Variants in SCN9A observed in about 807,000 individuals in gnomAD.
SCN9A encodes the protein sodium channel protein type 9 subunit alpha.
SCN9A carries 131 observed loss-of-function variants against 187.0 expected under a neutral mutation model. That is an observed-to-expected ratio of 0.70 (90% CI 0.61 to 0.81). SCN9A has a LOEUF of 0.81. Ranked by LOEUF, SCN9A falls within the 30% of genes least tolerant of loss-of-function variation. The pLI is 0.00. For synonymous variants in SCN9A, 809 were observed against 808.6 expected (o/e 1.00, Z -0.01); for missense variants, 2,252 against 2,396.6 (o/e 0.94, Z 1.26).
chr2:166,372,299 C>A (rs1700584717), intron 1 of SCN9A, among the ~76,000 whole-genome samples: 1 of 152,166 alleles, frequency 6.6e-6, no homozygotes, highest in Admixed American at 6.5e-5. Context: ...GGGCAAACAT[C>A]AATTTAGACC....
At chr2:166,301,111 T>A (rs1698537601) in intron 7 of SCN9A, 1 of 139,092 alleles carries the variant, frequency 7.2e-6, no homozygotes, top group African/African-American at 2.9e-5. Flanking sequence ...TCTTTTTTTT[T>A]CTTCTTTTTT....
At chr2:166,201,215 T>TAC (rs906576415) in intron 26 of SCN9A, among the ~76,000 whole-genome samples, 41 of 140,976 alleles carry the variant, frequency 2.9e-4, no homozygotes, top group African/African-American at 1.0e-3. Flanking sequence ...ACTATATATA[T>TAC]ACACATACTA....
At chr2:166,235,824 T>A (rs1258699540) in intron 20 of SCN9A, among the ~76,000 whole-genome samples, 1 of 151,452 alleles carries the variant, frequency 6.6e-6, no homozygotes, top group Non-Finnish European at 1.5e-5. Flanking sequence ...CAAATTGGAG[T>A]TGTTTATCTC....
chr2:166,340,570 C>CTT (rs1172888395), intron 1 of SCN9A, among the ~76,000 whole-genome samples: 1 of 63,674 alleles, frequency 1.6e-5, no homozygotes, highest in African/African-American at 1.2e-4. Flanking sequence ...TTCTTTCTTT[C>CTT]TTTCTTTCTT....
rs1184856885 is a variant in SCN9A, at chr2:166,292,393, A to G, written c.1107+838T>C. On this transcript the variant is annotated intron_variant, in intron 9 of 26. Coordinates refer to ENST00000642356, the MANE Select transcript of SCN9A (RefSeq NM_001365536.1). ...TATTTGTGTTTCTTTAATTTTGAGT[A>G]AAGGTGACCACTTCTTGCATATTTA... is the stretch of plus-strand genomic sequence containing the variant. 2.6e-5 allele frequency among the ~76,000 whole-genome samples: 4 copies of G among 152,154 alleles called. 1 individual carries two copies. The South Asian group carries it at 8.3e-4, about 32-fold the overall frequency.
Position 166,272,435 on chromosome 2 carries a change from T to TTCC in SCN9A, c.3312_3314dup (p.Glu1105dup). The stretch of plus-strand genomic sequence containing the variant: ...ATTCACTATCCGAATCACTGCTAAG[T>TTCC]TCCTCAGCATTCATATTTTCCAAAT... On this transcript the variant is annotated inframe_insertion, in exon 17 of 27. Transcript: ENST00000642356. The TTCC allele has an allele frequency of 6.2e-7, 1 of 1,606,934 alleles. No individual in the cohort carries two copies. The highest frequency in any genetic ancestry group is 8.5e-7 in the Non-Finnish European group (1 of 1,175,506).
Position 166,281,813 on chromosome 2 carries a change from A to T in SCN9A, c.1975-5T>A. The T allele has an allele frequency of 6.3e-7, 1 of 1,597,848 alleles. No individual in the cohort carries two copies. The highest frequency in any genetic ancestry group is 1.1e-5 in the South Asian group (1 of 87,568). On this transcript the variant is annotated splice_region_variant and splice_polypyrimidine_tract_variant and intron_variant, in intron 12 of 26. Coordinates refer to ENST00000642356, the MANE Select transcript of SCN9A (RefSeq NM_001365536.1). Reference sequence around the variant, plus strand: ...GTGTATTTGATTGGTCGTGCCCTAAAAAAAAAATCAATTAATGTCTTAAGA... The same window carrying T: ...GTGTATTTGATTGGTCGTGCCCTAATAAAAAAATCAATTAATGTCTTAAGA...
At chr2:166,321,186 T>G (rs1025677094) in intron 1 of SCN9A, among the ~76,000 whole-genome samples, 6 of 152,152 alleles carry the variant, frequency 3.9e-5, no homozygotes. Flanking sequence ...TACACAACTT[T>G]AAAGTTAACT....
chr2:166,281,146 C>T (rs905046840), intron 13 of SCN9A, among the ~76,000 whole-genome samples: 1 of 152,068 alleles, frequency 6.6e-6, no homozygotes, highest in Admixed American at 6.5e-5. Flanking sequence ...ACTTTGCCCC[C>T]ACAATGGGAA....
chr2:166,250,447 C>T (rs1167529294), intron 18 of SCN9A, among the ~76,000 whole-genome samples: 1 of 152,094 alleles, frequency 6.6e-6, no homozygotes, highest in Non-Finnish European at 1.5e-5. Flanking sequence ...CTGATATCCC[C>T]ATTTTACAGA....
intron 1 of SCN9A, among the ~76,000 whole-genome samples, chr2:166,341,354 A>G (rs1559051608): frequency 6.6e-6 from 1 of 152,244 alleles, no homozygotes; most frequent in Admixed American, 6.5e-5. Context: ...ATTGAGATTT[A>G]CAAAGTTTGG....
At position 166,239,221 on chromosome 2, in the gene SCN9A, T is replaced by TAAAAA. The variant is rs1558974298; in HGVS notation, c.3628-955_3628-954insTTTTT. ...CTGGGCAACAGAGCAAGACTCTGTC[T>TAAAAA]CAAAAAAAAAAAAAAAAAAAAGGCT... On this transcript the variant is annotated intron_variant, in intron 19 of 26. Coordinates refer to ENST00000642356, the MANE Select transcript of SCN9A (RefSeq NM_001365536.1). Among the ~76,000 whole-genome samples the TAAAAA allele has an allele frequency of 1.5e-4, 19 of 130,082 alleles. 6 individuals carry two copies. Among genetic ancestry groups the TAAAAA allele is most frequent in the Non-Finnish European group, 1.6e-4 (10 of 61,864 alleles). The allele number at this position is 130,082 out of a possible 152,430, so 85.3% of individuals were successfully genotyped here. A position where few individuals can be genotyped will look rare whatever the true frequency, so the allele number is the denominator to read the frequency against.
chr2:166,371,403 T>G (rs978895738), intron 1 of SCN9A, among the ~76,000 whole-genome samples: 1 of 152,180 alleles, frequency 6.6e-6, no homozygotes, highest in African/African-American at 2.4e-5. Flanking sequence ...CCCAGAAGGG[T>G]TTCATTCCTC....
chr2:166,227,530 C>T (rs1694890013), intron 23 of SCN9A, 140 bp downstream of exon 23: 1 of 649,464 alleles, frequency 1.5e-6, no homozygotes, highest in African/African-American at 1.8e-5. Context: ...TACTCACAAC[C>T]ACTAGGCTAC....
intron 14 of SCN9A, 104 bp downstream of exon 14, chr2:166,280,253 T>C (rs1574856489): frequency 1.4e-6 from 1 of 691,792 alleles, no homozygotes; most frequent in East Asian, 2.7e-5. Context: ...TGGATATGCA[T>C]AATTCTGAGG....
chr2:166,346,897 C>T (rs1699913925), intron 1 of SCN9A, among the ~76,000 whole-genome samples: 1 of 152,106 alleles, frequency 6.6e-6, no homozygotes, highest in Non-Finnish European at 1.5e-5. Context: ...GACATTTGCA[C>T]AATAGTTTTG....
intron 10 of SCN9A, among the ~76,000 whole-genome samples, chr2:166,287,659 T>C (rs1390937410): frequency 1.3e-5 from 2 of 152,054 alleles, no homozygotes; most frequent in Non-Finnish European, 2.9e-5. Flanking sequence ...TGAAATTATG[T>C]TTCTCTTAGT....
chr2:166,294,111 A>G (rs919463892), intron 8 of SCN9A, among the ~76,000 whole-genome samples: 2 of 152,144 alleles, frequency 1.3e-5, no homozygotes, highest in African/African-American at 4.8e-5. Flanking sequence ...AGTTGAATAT[A>G]TACAATATTC....
At chr2:166,363,292 A>G (rs1700334024) in intron 1 of SCN9A, among the ~76,000 whole-genome samples, 1 of 152,050 alleles carries the variant, frequency 6.6e-6, no homozygotes, top group Admixed American at 6.6e-5. Flanking sequence ...TTACTCATTA[A>G]TTCAATTTGT....
Sources: gnomAD v4.1 joint callset for allele counts (sites outside exome capture counted in the v4.1 genomes callset) on GRCh38, gnomAD v4.1.1 for gene constraint, MANE v1.5 for transcripts, NCBI Gene and HGNC (gene_info 2026-07-23, HGNC 2026-07-21) for gene names.